The following KLHL18 variants were observed in gnomAD, a reference collection of about 807,000 sequenced individuals.
The protein encoded by KLHL18 is kelch like family member 18.
In KLHL18, 38 loss-of-function variants were observed where a neutral mutation model predicts 58.5. That is an observed-to-expected ratio of 0.65 (90% confidence interval 0.50 to 0.85). The LOEUF (loss-of-function observed/expected upper bound fraction) is 0.85, where lower values mean the gene tolerates loss of function less well. Ranked by LOEUF, KLHL18 falls within the 40% of genes least tolerant of loss-of-function variation. The pLI is 0.00. For missense variants in KLHL18, 624 were observed against 778.4 expected (o/e 0.80, Z 2.36); for synonymous variants, 303 against 301.9 (o/e 1.00, Z -0.04).
At chr3:47,314,531 C>T (rs1489528300) in intron 1 of KLHL18, among the ~76,000 whole-genome samples, 1 of 151,388 alleles carries the variant, frequency 6.6e-6, no homozygotes, top group Non-Finnish European at 1.5e-5. Flanking sequence ...CGGAGTCTCG[C>T]TATATTGCCC....
At chr3:47,288,220 CA>C (rs768468646) in intron 1 of KLHL18, among the ~76,000 whole-genome samples, 3,401 of 44,760 alleles carry the variant, frequency 0.076, 51 homozygotes, top group African/African-American at 0.24. Flanking sequence ...ACTCTGTCTC[CA>C]AAAAAAAAAA....
At chr3:47,337,863 A>G (rs1053415591) in intron 7 of KLHL18, 13 of 152,166 alleles carry the variant, frequency 8.5e-5, no homozygotes, top group Non-Finnish European at 1.8e-4. Context: ...CGTGTCCCCA[A>G]CCATGAGTAG....
At chr3:47,316,512 CATATATACATATATAT>C (rs1703431942) in intron 1 of KLHL18, among the ~76,000 whole-genome samples, 1 of 3,572 alleles carries the variant, frequency 2.8e-4, no homozygotes, top group African/African-American at 3.1e-4. Context: ...TATATATATA[CATATATACATATATAT>C]GTATATATAT....
Position 47,316,584 on chromosome 3 carries a change from T to C in KLHL18, c.130-3069T>C, listed in dbSNP as rs796999283. Reference sequence around the variant, plus strand: ...ATATATGTATATGTGTGTATATATATACATATATACGTATATATGTATATG... The same window carrying C: ...ATATATGTATATGTGTGTATATATACACATATATACGTATATATGTATATG... On this transcript the variant is annotated intron_variant, in intron 1 of 9. Transcript: ENST00000232766. Among the ~76,000 whole-genome samples, 9 of 130,704 alleles carry C rather than the reference T, an allele frequency of 6.9e-5. No individual in the cohort carries two copies. The South Asian group carries it at 7.1e-4, about 10-fold the overall frequency. The allele number at this position is 130,704 out of a possible 152,430, so 85.7% of individuals were successfully genotyped here.
intron 2 of KLHL18, among the ~76,000 whole-genome samples, chr3:47,322,026 A>C (rs943439269): frequency 1.3e-5 from 2 of 152,196 alleles, no homozygotes; most frequent in Non-Finnish European, 2.9e-5. Flanking sequence ...TTTGGATTTC[A>C]TTTTCAGTGT....
At chr3:47,287,951 A>G (rs991685818) in intron 1 of KLHL18, among the ~76,000 whole-genome samples, 1 of 152,134 alleles carries the variant, frequency 6.6e-6, no homozygotes, top group Non-Finnish European at 1.5e-5. Context: ...CTGGCAGGAC[A>G]CAGTGGCTCA....
At chr3:47,327,391 T>C (rs1380840167) in intron 3 of KLHL18, among the ~76,000 whole-genome samples, 1 of 152,236 alleles carries the variant, frequency 6.6e-6, no homozygotes, top group Non-Finnish European at 1.5e-5. Flanking sequence ...TTGGCTCCCA[T>C]ATCCTTGGAC....
At chr3:47,303,492 A>T (rs958895430) in intron 1 of KLHL18, among the ~76,000 whole-genome samples, 2 of 152,124 alleles carry the variant, frequency 1.3e-5, no homozygotes, top group African/African-American at 2.4e-5. Flanking sequence ...CAGTGACAAA[A>T]CTTCAAAGGA....
intron 3 of KLHL18, among the ~76,000 whole-genome samples, chr3:47,329,389 G>A (rs900473676): frequency 3.3e-4 from 50 of 151,952 alleles, no homozygotes; most frequent in Admixed American, 1.2e-3. Context: ...CACCACACCC[G>A]GCTAATTTTT....
intron 7 of KLHL18, chr3:47,337,971 A>C (rs897468552): frequency 3.3e-5 from 5 of 152,114 alleles, no homozygotes; most frequent in African/African-American, 1.2e-4. Context: ...GCTGTCTTGG[A>C]GGAAAGTTCT....
At position 47,343,603 on chromosome 3, in the gene KLHL18, A is replaced by G; in HGVS notation, c.1387A>G (p.Met463Val). The change falls in exon 10 of 10, where the codon ATG becomes GTG. Residue 463 changes from methionine to valine, a missense_variant. Coordinates refer to ENST00000232766, the MANE Select transcript of KLHL18 (RefSeq NM_025010.5). ...HTATWHPAAG[M>V]LNKRCRHGAA... is the part of the protein sequence containing the mutation. ...AGCCACCTGGCACCCTGCAGCTGGC[A>G]TGCTCAACAAGCGCTGCCGGCACGG... The G allele has an allele frequency of 1.2e-6, 2 of 1,614,052 alleles. No individual in the cohort carries two copies. The highest frequency in any genetic ancestry group is 1.7e-6 in the Non-Finnish European group (2 of 1,180,030).
intron 1 of KLHL18, among the ~76,000 whole-genome samples, chr3:47,312,608 T>C (rs190807344): frequency 6.6e-5 from 10 of 152,304 alleles, no homozygotes; most frequent in Admixed American, 5.9e-4. Flanking sequence ...TGTGTAATTC[T>C]AGATATTAAT....
At chr3:47,317,555 A>G (rs530368472) in intron 1 of KLHL18, among the ~76,000 whole-genome samples, 101 of 152,322 alleles carry the variant, frequency 6.6e-4, no homozygotes, top group South Asian at 1.4e-3. Context: ...GAAACAGACA[A>G]CTTAAAACAA....
intron 1 of KLHL18, among the ~76,000 whole-genome samples, chr3:47,288,452 T>C (rs140871208): frequency 5.9e-5 from 9 of 152,292 alleles, no homozygotes; most frequent in Admixed American, 3.3e-4. Context: ...TGATTTCAGC[T>C]GCTACCACGT....
At chr3:47,342,221 G>T (rs1559506331) in intron 8 of KLHL18, among the ~76,000 whole-genome samples, 1 of 152,210 alleles carries the variant, frequency 6.6e-6, no homozygotes, top group African/African-American at 2.4e-5. Flanking sequence ...GATGGGACTG[G>T]TAGGAAAGCC....
At chr3:47,339,807 A>T (rs1282371395) in intron 7 of KLHL18, among the ~76,000 whole-genome samples, 1 of 151,666 alleles carries the variant, frequency 6.6e-6, no homozygotes, top group African/African-American at 2.4e-5. Context: ...CACTCTTAAC[A>T]ATCCCAGCAC....
chr3:47,290,681 C>T (rs1702774013), intron 1 of KLHL18, among the ~76,000 whole-genome samples: 1 of 152,092 alleles, frequency 6.6e-6, no homozygotes, highest in African/African-American at 2.4e-5. Context: ...AGGCTGGTCT[C>T]AAACTCCTGG....
At position 47,330,099 on chromosome 3, in the gene KLHL18, G is replaced by C. The variant is rs767302440; in HGVS notation, c.550G>C (p.Val184Leu). The C allele has an allele frequency of 8.7e-6, 14 of 1,614,032 alleles. No individual in the cohort carries two copies. Among genetic ancestry groups the C allele is most frequent in the Non-Finnish European group, 1.2e-5 (14 of 1,180,046 alleles). The change falls in exon 4 of 10, where the codon GTG becomes CTG. Residue 184 changes from valine to leucine, a missense_variant. By Grantham distance (32) the Val-to-Leu change is conservative. Transcript: ENST00000232766. ...GTTCCTGGCCCTGCCCTTGGAAGAC[G>C]TGCTTGAGCTGGTGTCTCGGGATGA... is the stretch of plus-strand genomic sequence containing the variant. ...EEFLALPLED[V>L]LELVSRDELN...
At chr3:47,307,425 A>G (rs750433000) in intron 1 of KLHL18, among the ~76,000 whole-genome samples, 1 of 152,068 alleles carries the variant, frequency 6.6e-6, no homozygotes, top group South Asian at 2.1e-4. Context: ...CTTCTCTCTT[A>G]AGGTTAATGC....
Sources: allele counts gnomAD v4.1 joint callset (sites outside exome capture counted in the v4.1 genomes callset), GRCh38; gene constraint gnomAD v4.1.1; transcripts MANE v1.5; gene names NCBI Gene and HGNC (gene_info 2026-07-23, HGNC 2026-07-21).